The following PTPRD variants were observed in gnomAD, a reference collection of about 807,000 sequenced individuals.
PTPRD encodes protein tyrosine phosphatase receptor type D.
Under a neutral mutation model 214.5 loss-of-function variants are expected in PTPRD, and 34 were observed. The ratio of observed to expected loss-of-function variants is 0.16; its 90% CI spans 0.12 to 0.21. The LOEUF (loss-of-function observed/expected upper bound fraction) is 0.21. PTPRD is among the 10% of genes least tolerant of loss of function. PTPRD has a pLI of 1.00. For synonymous variants in PTPRD, 1,128 were observed against 845.7 expected (o/e 1.33, Z -5.79); for missense variants, 2,545 against 2,398.7 (o/e 1.06, Z -1.27).
At chr9:10,381,178 C>T in intron 2 of PTPRD, among the ~76,000 whole-genome samples, 1 of 151,506 alleles carries the variant, frequency 6.6e-6, no homozygotes, top group East Asian at 1.9e-4. Context: ...TGGACGATTA[C>T]TCACTATCTT....
intron 35 of PTPRD, among the ~76,000 whole-genome samples, chr9:8,425,250 T>C (rs1216468011): frequency 6.6e-6 from 1 of 152,190 alleles, no homozygotes; most frequent in Non-Finnish European, 1.5e-5. Flanking sequence ...CCGAAAGCTG[T>C]TCCCAGCAGT....
chr9:9,139,377 C>T (rs1273720035), intron 10 of PTPRD, among the ~76,000 whole-genome samples: 1 of 152,120 alleles, frequency 6.6e-6, no homozygotes, highest in African/African-American at 2.4e-5. Flanking sequence ...TCCCAGTTTT[C>T]AATAACCTAT....
chr9:9,478,765 A>G (rs1382373900), intron 8 of PTPRD, among the ~76,000 whole-genome samples: 2 of 152,188 alleles, frequency 1.3e-5, no homozygotes, highest in African/African-American at 2.4e-5. Context: ...AAAACCCCAA[A>G]TATTTCAAGT....
chr9:9,867,130 G>C (rs1600268548), intron 5 of PTPRD, among the ~76,000 whole-genome samples: 1 of 152,148 alleles, frequency 6.6e-6, no homozygotes, highest in South Asian at 2.1e-4. Flanking sequence ...AACGGAAAAG[G>C]AGTCAATATT....
chr9:8,870,687 A>AACACACACACACACACACACACAC (rs3046878), intron 11 of PTPRD, among the ~76,000 whole-genome samples: 4 of 131,372 alleles, frequency 3.0e-5, no homozygotes, highest in Non-Finnish European at 4.8e-5. Flanking sequence ...ACAGACATGA[A>AACACACACACACACACACACACAC]ACACACACAC....
chr9:10,087,015 G>C (rs1265925707), intron 3 of PTPRD, among the ~76,000 whole-genome samples: 1 of 151,680 alleles, frequency 6.6e-6, no homozygotes, highest in African/African-American at 2.4e-5. Flanking sequence ...AATATCATTT[G>C]CTGACGATTG....
Position 8,623,773 on chromosome 9 carries a change from C to T in PTPRD, c.352+9544G>A, listed in dbSNP as rs79944786. 3.7e-3 allele frequency among the ~76,000 whole-genome samples: 560 copies of T among 151,856 alleles called. 3 individuals carry two copies. The highest frequency in any genetic ancestry group is 0.013 in the African/African-American group (538 of 41,444). On this transcript the variant is annotated intron_variant, in intron 14 of 45. Coordinates refer to ENST00000381196, the MANE Select transcript of PTPRD (RefSeq NM_002839.4). ...GAGGTTAGGAAATGTGCACATTTGC[C>T]GCAAAACAAATAGTGAAGTTAGGAT...
chr9:9,737,798 C>T (rs1483661673), intron 6 of PTPRD, among the ~76,000 whole-genome samples: 1 of 151,974 alleles, frequency 6.6e-6, no homozygotes, highest in East Asian at 1.9e-4. Context: ...ATGAACATTC[C>T]TATATGTGTT....
intron 9 of PTPRD, among the ~76,000 whole-genome samples, chr9:9,249,361 T>C (rs2099974474): frequency 6.6e-6 from 1 of 152,056 alleles, no homozygotes; most frequent in African/African-American, 2.4e-5. Context: ...ACCTATTTTC[T>C]TTATAAATTA....
chr9:10,200,807 C>T (rs294818), intron 3 of PTPRD, among the ~76,000 whole-genome samples: 22,510 of 151,992 alleles, frequency 0.15, 1,994 homozygotes, highest in East Asian at 0.4. Flanking sequence ...AAAATATAAA[C>T]ATAAATTGAT....
At chr9:8,795,272 C>A (rs1195169749) in intron 11 of PTPRD, among the ~76,000 whole-genome samples, 1 of 152,114 alleles carries the variant, frequency 6.6e-6, no homozygotes, top group Admixed American at 6.5e-5. Context: ...TCAAACAATT[C>A]TCCTGCCTCA....
At chr9:10,053,423 T>G (rs2097568428) in intron 3 of PTPRD, among the ~76,000 whole-genome samples, 1 of 152,162 alleles carries the variant, frequency 6.6e-6, no homozygotes, top group Admixed American at 6.6e-5. Flanking sequence ...CTGAGGCATT[T>G]GGTCAGGAGT....
At chr9:9,242,353 GT>G (rs1428561123) in intron 9 of PTPRD, among the ~76,000 whole-genome samples, 1 of 152,052 alleles carries the variant, frequency 6.6e-6, no homozygotes, top group African/African-American at 2.4e-5. Context: ...GAGTATCTTT[GT>G]GGCATTCTCT....
intron 39 of PTPRD, among the ~76,000 whole-genome samples, chr9:8,353,884 G>GTATATGTGTATATATGTA (rs2076249352): frequency 2.9e-5 from 4 of 135,648 alleles, no homozygotes; most frequent in African/African-American, 1.2e-4. Flanking sequence ...GTATATATGT[G>GTATATGTGTATATATGTA]TATATATGTA....
At chr9:10,487,871 T>C (rs963843151) in intron 2 of PTPRD, among the ~76,000 whole-genome samples, 9 of 151,840 alleles carry the variant, frequency 5.9e-5, no homozygotes, top group African/African-American at 2.2e-4. Flanking sequence ...GTAGAGGTAC[T>C]ACCTCTATTA....
chr9:10,103,372 G>T (rs1048046634), intron 3 of PTPRD, among the ~76,000 whole-genome samples: 1 of 83,676 alleles, frequency 1.2e-5, no homozygotes, highest in African/African-American at 5.6e-5. Context: ...ATTTTAAACT[G>T]CATATTATAT....
chr9:10,413,598 GA>G (rs2098458698), intron 2 of PTPRD, among the ~76,000 whole-genome samples: 1 of 151,774 alleles, frequency 6.6e-6, no homozygotes, highest in South Asian at 2.1e-4. Context: ...CAAAGAACTA[GA>G]AAAACTATTT....
chr9:9,278,874 C>T (rs62535760), intron 9 of PTPRD, among the ~76,000 whole-genome samples: 19,748 of 151,280 alleles, frequency 0.13, 1,639 homozygotes, highest in Middle Eastern at 0.21. Context: ...CAAACACACA[C>T]AGCATTTTGA....
intron 11 of PTPRD, among the ~76,000 whole-genome samples, chr9:8,937,124 A>T (rs1588429022): frequency 1.3e-5 from 2 of 152,318 alleles, no homozygotes; most frequent in South Asian, 4.1e-4. Flanking sequence ...TACCTGAGAA[A>T]AATGTTGATT....
Sources: gnomAD v4.1 joint callset for allele counts (sites outside exome capture counted in the v4.1 genomes callset) on GRCh38, gnomAD v4.1.1 for gene constraint, MANE v1.5 for transcripts, NCBI Gene and HGNC (gene_info 2026-07-23, HGNC 2026-07-21) for gene names.